COPG2: variants seen among roughly 807,000 people sequenced by gnomAD.
The protein encoded by COPG2 is coat protein complex I subunit gamma 2.
A neutral mutation model predicts 46.3 loss-of-function variants in COPG2; 37 were observed. The observed-to-expected ratio is 0.80, with a 90% CI of 0.61 to 1.05. COPG2 has a LOEUF of 1.05. Ranked by LOEUF, COPG2 falls within the 50% of genes least tolerant of loss-of-function variation. The pLI is 0.00. For missense variants in COPG2, 427 were observed against 387.8 expected, an observed-to-expected ratio of 1.10 and a Z score of -0.85; for synonymous variants, 159 against 129.7, an observed-to-expected ratio of 1.23 and a Z score of -1.53.
At chr7:130,528,987 G>A (rs1799799922) in intron 20 of COPG2, among the ~76,000 whole-genome samples, 1 of 152,142 alleles carries the variant, frequency 6.6e-6, no homozygotes, top group African/African-American at 2.4e-5. Context: ...CAAGGAGGAT[G>A]TAGAAGATGC....
At position 130,507,274 on chromosome 7, in the gene COPG2, C is replaced by T. The variant is rs1554440286; in HGVS notation, c.2485G>A (p.Gly829Ser). Residue 829 changes from glycine (G) to serine (S), a missense_variant and splice_region_variant, in exon 23 of 24, where the codon GGT becomes AGT. Gly to Ser is a moderately conservative substitution (Grantham distance 56). Transcript: ENST00000425248. ...NKNSHSLYLA[G>S]IFRGGYDLLV... ...GGAAAATCTGATGGAAGCTTCTTAC[C>T]TGCCAGATAGAGCGAATGGGAATTC... 1 of 780,630 alleles carries T rather than the reference C, an allele frequency of 1.3e-6. No individual in the cohort carries two copies. Among genetic ancestry groups the T allele is most frequent in the Non-Finnish European group, 2.4e-6 (1 of 417,808 alleles). The allele number at this position is 780,630 out of a possible 1,614,324, so 48.4% of individuals were successfully genotyped here. A position where few individuals can be genotyped will look rare whatever the true frequency, so the allele number is the denominator to read the frequency against.
At chr7:130,606,785 G>A (rs1794741389) in intron 9 of COPG2, among the ~76,000 whole-genome samples, 1 of 152,036 alleles carries the variant, frequency 6.6e-6, no homozygotes, top group South Asian at 2.1e-4. Context: ...GCTGGCCCCC[G>A]AATTACATAA....
chr7:130,585,920 AAGAACTAAAAGT>A (rs1794256666), intron 9 of COPG2, among the ~76,000 whole-genome samples: 1 of 152,130 alleles, frequency 6.6e-6, no homozygotes, highest in Non-Finnish European at 1.5e-5. Flanking sequence ...AGATTCCTTA[AAGAACTAAAAGT>A]AGAACTACCA....
chr7:130,654,357 T>C (rs1795806819), intron 4 of COPG2, among the ~76,000 whole-genome samples: 1 of 152,214 alleles, frequency 6.6e-6, no homozygotes, highest in African/African-American at 2.4e-5. Context: ...GCATGGAATA[T>C]AGTATCTAAC....
chr7:130,665,409 T>G (rs151154842), intron 3 of COPG2, among the ~76,000 whole-genome samples: 75 of 152,230 alleles, frequency 4.9e-4, no homozygotes, highest in Non-Finnish European at 8.7e-4. Context: ...TAGACATATA[T>G]AGTCAGCCCT....
intron 4 of COPG2, 26 bp downstream of exon 4, chr7:130,662,941 C>A (rs368525711): frequency 8.7e-5 from 122 of 1,406,718 alleles, no homozygotes; most frequent in Non-Finnish European, 9.5e-5. Flanking sequence ...GGTTTTTCAT[C>A]GTAAAAAAAA....
chr7:130,526,316 C>T (rs1584963540), intron 20 of COPG2, among the ~76,000 whole-genome samples: 2 of 152,230 alleles, frequency 1.3e-5, no homozygotes. Context: ...AAGTAGTGAG[C>T]ACATCCCTAT....
At chr7:130,568,079 C>T (rs1275063359) in intron 9 of COPG2, among the ~76,000 whole-genome samples, 2 of 152,182 alleles carry the variant, frequency 1.3e-5, no homozygotes, top group Admixed American at 1.3e-4. Context: ...GAGTTTGAGA[C>T]CAGCCTGGCC....
chr7:130,595,108 G>C (rs1437567154), intron 9 of COPG2, among the ~76,000 whole-genome samples: 1 of 152,200 alleles, frequency 6.6e-6, no homozygotes, highest in South Asian at 2.1e-4. Flanking sequence ...AAATGAATAC[G>C]AGCCAAATGT....
chr7:130,651,121 T>C (rs1410944838), intron 5 of COPG2, among the ~76,000 whole-genome samples: 5 of 152,180 alleles, frequency 3.3e-5, no homozygotes, highest in African/African-American at 1.2e-4. Context: ...TTCACTTCAA[T>C]GAGTTATAGT....
chr7:130,649,375 A>G (rs1231186620), intron 5 of COPG2, among the ~76,000 whole-genome samples: 1 of 152,078 alleles, frequency 6.6e-6, no homozygotes, highest in Non-Finnish European at 1.5e-5. Flanking sequence ...TCTCTTCTTG[A>G]CTTATTTCTC....
intron 9 of COPG2, among the ~76,000 whole-genome samples, chr7:130,596,657 A>G (rs782014792): frequency 4.1e-4 from 62 of 152,252 alleles, no homozygotes; most frequent in Admixed American, 1.9e-3. Flanking sequence ...TGGTGTCAAG[A>G]GCCTGGACAC....
intron 20 of COPG2, among the ~76,000 whole-genome samples, chr7:130,512,186 T>C (rs946108907): frequency 5.9e-5 from 9 of 151,342 alleles, no homozygotes; most frequent in Admixed American, 2.0e-4. Context: ...GTAAGCCGAG[T>C]TGGTGAGCCT....
At chr7:130,553,080 G>C (rs1456304276) in intron 14 of COPG2, among the ~76,000 whole-genome samples, 2 of 152,166 alleles carry the variant, frequency 1.3e-5, no homozygotes, top group Non-Finnish European at 2.9e-5. Context: ...AGTACTGTTA[G>C]CCAGAGGAAA....
chr7:130,646,490 A>AT (rs1467144657), intron 5 of COPG2, among the ~76,000 whole-genome samples: 1 of 152,074 alleles, frequency 6.6e-6, no homozygotes, highest in African/African-American at 2.4e-5. Flanking sequence ...GAAATGGATT[A>AT]TTTTCAAACG....
chr7:130,532,611 C>T (rs1724086007), intron 20 of COPG2, among the ~76,000 whole-genome samples: 1 of 152,014 alleles, frequency 6.6e-6, no homozygotes. Flanking sequence ...GACAAAACTG[C>T]TGTGGTGACA....
intron 4 of COPG2, among the ~76,000 whole-genome samples, chr7:130,661,352 C>T (rs1279207054): frequency 1.3e-5 from 2 of 152,168 alleles, no homozygotes; most frequent in Non-Finnish European, 2.9e-5. Context: ...AAAACAAAGC[C>T]ACAAAAGAGG....
chr7:130,641,175 C>CAAAAA (rs34617870), intron 5 of COPG2, among the ~76,000 whole-genome samples: 3 of 87,916 alleles, frequency 3.4e-5, no homozygotes, highest in Non-Finnish European at 6.1e-5. Flanking sequence ...CCCTACCTCT[C>CAAAAA]AAAAAAAAAA....
intron 5 of COPG2, among the ~76,000 whole-genome samples, chr7:130,622,718 A>C (rs1292895741): frequency 6.6e-6 from 1 of 152,162 alleles, no homozygotes; most frequent in African/African-American, 2.4e-5. Flanking sequence ...CCCACTGGCC[A>C]GCACTTTACC....
Sources: gnomAD v4.1 joint callset for allele counts (sites outside exome capture counted in the v4.1 genomes callset) on GRCh38, gnomAD v4.1.1 for gene constraint, MANE v1.5 for transcripts, NCBI Gene and HGNC (gene_info 2026-07-23, HGNC 2026-07-21) for gene names.